MICOS10: variants seen among roughly 807,000 people sequenced by gnomAD.
MICOS10 encodes mitochondrial contact site and cristae organizing system subunit 10.
A neutral mutation model predicts 13.4 loss-of-function variants in MICOS10; 5 were observed. The ratio of observed to expected loss-of-function variants is 0.37; its 90% CI spans 0.20 to 0.78. MICOS10 has a LOEUF of 0.78. Among genes scored for constraint, MICOS10 ranks in the 30% least tolerant of loss-of-function variants. The pLI is 0.47. For missense variants in MICOS10, 101 were observed against 94.6 expected (o/e 1.07, Z -0.28); for synonymous variants, 35 against 33.6 (o/e 1.04, Z -0.15).
intron 1 of MICOS10, chr1:19,608,556 TCGC>T (rs2094845289): frequency 1.1e-6 from 1 of 914,344 alleles, no homozygotes. Context: ...GTCACCGTGG[TCGC>T]CGTCTGTGAA....
chr1:19,627,255 T>C lies in MICOS10; in HGVS notation c.*854T>C, dbSNP rs776482487. 7 of 152,272 alleles carry C rather than the reference T, an allele frequency of 4.6e-5. No individual in the cohort carries two copies. Among genetic ancestry groups the C allele is most frequent in the Non-Finnish European group, 1.0e-4 (7 of 68,044 alleles). The allele number at this position is 152,272 out of a possible 1,614,324, so 9.4% of individuals were successfully genotyped here. On this transcript the variant is annotated 3_prime_UTR_variant, in exon 4 of 4. Transcript: ENST00000322753. ...GCAAAAGTCATATTTTAGCAATTTCTTCAGACGATATACAGAACCCCAGCG... is the reference window on the plus strand; with the variant it reads ...GCAAAAGTCATATTTTAGCAATTTCCTCAGACGATATACAGAACCCCAGCG...
chr1:19,600,178 A>C (rs2094808441), intron 1 of MICOS10, among the ~76,000 whole-genome samples: 1 of 152,194 alleles, frequency 6.6e-6, no homozygotes, highest in Non-Finnish European at 1.5e-5. Context: ...AGCAGAGGAA[A>C]CTAGCAGTAC....
chr1:19,617,447 C>A, intron 1 of MICOS10: 1 of 294,752 alleles, frequency 3.4e-6, no homozygotes, highest in Non-Finnish European at 5.0e-6. Flanking sequence ...TCTCTGGGTC[C>A]TTGGTCTGGC....
At chr1:19,623,765 C>T (rs2094912331) in intron 3 of MICOS10, 182 bp downstream of exon 3, 1 of 549,282 alleles carries the variant, frequency 1.8e-6, no homozygotes, top group Non-Finnish European at 3.2e-6. Context: ...AAAGTCTCCC[C>T]TGTGCCTTCA....
Position 19,603,255 on chromosome 1 carries a change from G to A in MICOS10, c.64+6146G>A, listed in dbSNP as rs369136164. ...TGAGGCAGGAGAATAGCTTGAACCCGGGAGGTAGAGGTTGCAGTGAGCCAA... is the reference window on the plus strand; with the variant it reads ...TGAGGCAGGAGAATAGCTTGAACCCAGGAGGTAGAGGTTGCAGTGAGCCAA... On this transcript the variant is annotated intron_variant, in intron 1 of 3. Coordinates refer to ENST00000322753, the MANE Select transcript of MICOS10 (RefSeq NM_001032363.4). 1.5e-3 allele frequency among the ~76,000 whole-genome samples: 224 copies of A among 152,186 alleles called. 1 individual carries two copies. The highest frequency in any genetic ancestry group is 4.6e-3 in the African/African-American group (191 of 41,518).
At chr1:19,615,307 C>T (rs1008762083) in intron 1 of MICOS10, among the ~76,000 whole-genome samples, 17 of 152,158 alleles carry the variant, frequency 1.1e-4, no homozygotes, top group Admixed American at 1.0e-3. Context: ...GAAGGTGAAC[C>T]ACAGTTACTA....
chr1:19,606,566 T>A (rs1227579121), intron 1 of MICOS10, among the ~76,000 whole-genome samples: 1 of 151,984 alleles, frequency 6.6e-6, no homozygotes, highest in African/African-American at 2.4e-5. Flanking sequence ...GCCAATATGG[T>A]GAAACCCCAT....
chr1:19,620,625 C>CT (rs1157746649), intron 1 of MICOS10, among the ~76,000 whole-genome samples: 1 of 152,158 alleles, frequency 6.6e-6, no homozygotes, highest in African/African-American at 2.4e-5. Flanking sequence ...ACTGTTGATT[C>CT]TTACTTCATA....
chr1:19,618,709 A>G (rs1388469715), intron 1 of MICOS10, among the ~76,000 whole-genome samples: 1 of 152,214 alleles, frequency 6.6e-6, no homozygotes, highest in African/African-American at 2.4e-5. Flanking sequence ...CTCACTCAGC[A>G]GGAGAGTACA....
At position 19,615,473 on chromosome 1, in the gene MICOS10, C is replaced by T. The variant is rs1397475145; in HGVS notation, c.65-6627C>T. On this transcript the variant is annotated intron_variant, in intron 1 of 3. Coordinates refer to ENST00000322753, the MANE Select transcript of MICOS10 (RefSeq NM_001032363.4). ...TATAGTTTGCCCAAGGACTGAGACA[C>T]ACAGCTAGTAAATAATCTAATAGTA... Among the ~76,000 whole-genome samples, 8 of 152,208 alleles carry T rather than the reference C, an allele frequency of 5.3e-5. No homozygotes were observed. In the South Asian group the frequency reaches 6.2e-4, roughly 12 times the overall value.
rs550874710 is a variant in MICOS10, at chr1:19,601,023, G to A, written c.64+3914G>A. 7.8e-6 allele frequency: 10 copies of A among 1,287,734 alleles called. No individual in the cohort carries two copies. In the African/African-American group the frequency reaches 1.4e-4, roughly 18 times the overall value. The allele number at this position is 1,287,734 out of a possible 1,614,324, so 79.8% of individuals were successfully genotyped here. On this transcript the variant is annotated intron_variant, in intron 1 of 3. Transcript: ENST00000322753. ...TATACCTAAAGTGTTTTGCTTCCAG[G>A]GTTCACCAGGGTTATTTTCCCACCT...
chr1:19,629,208 CT>C lies in MICOS10; in HGVS notation c.*2809del, dbSNP rs1262737610. 6.6e-6 allele frequency: 1 copy of C among 152,220 alleles called. No individual in the cohort carries two copies. Among genetic ancestry groups the C allele is most frequent in the Non-Finnish European group, 1.5e-5 (1 of 68,052 alleles). The allele number at this position is 152,220 out of a possible 1,614,324, so 9.4% of individuals were successfully genotyped here. ...TTCAAGTCCTCTGGGGCCCTGTTCC[CT>C]TGTGGGCTTGTGCAACTGACTTTGT... On this transcript the variant is annotated 3_prime_UTR_variant, in exon 4 of 4. Coordinates refer to ENST00000322753, the MANE Select transcript of MICOS10 (RefSeq NM_001032363.4).
chr1:19,629,065 C>G lies in MICOS10; in HGVS notation c.*2664C>G, dbSNP rs2094930760. On this transcript the variant is annotated 3_prime_UTR_variant, in exon 4 of 4. Transcript: ENST00000322753. Reference sequence around the variant, plus strand: ...CCTTGTTGCCCTTAGCGGAGGCTGGCCCAAAGCACACTTGATCTTGTCCCC... The same window carrying G: ...CCTTGTTGCCCTTAGCGGAGGCTGGGCCAAAGCACACTTGATCTTGTCCCC... The G allele has an allele frequency of 6.6e-6, 1 of 152,288 alleles. No individual in the cohort carries two copies. The highest frequency in any genetic ancestry group is 2.4e-5 in the African/African-American group (1 of 41,446). The allele number at this position is 152,288 out of a possible 1,614,324, so 9.4% of individuals were successfully genotyped here.
At chr1:19,625,528 C>T in intron 3 of MICOS10, 1 of 1,289,448 alleles carries the variant, frequency 7.8e-7, no homozygotes, top group Non-Finnish European at 1.0e-6. Context: ...CTGTGTGGCA[C>T]TGAAGCCGGC....
intron 1 of MICOS10, chr1:19,617,225 C>G (rs2094887452): frequency 1.0e-6 from 1 of 953,988 alleles, no homozygotes; most frequent in Non-Finnish European, 1.2e-6. Context: ...TTGTTTCTTT[C>G]CATTGCCTGG....
intron 1 of MICOS10, among the ~76,000 whole-genome samples, chr1:19,613,887 A>C (rs1197766255): frequency 1.3e-5 from 2 of 152,048 alleles, no homozygotes; most frequent in Non-Finnish European, 1.5e-5. Flanking sequence ...GTCTGACCTG[A>C]GGCAAGTGAC....
At position 19,627,763 on chromosome 1, in the gene MICOS10, CA is replaced by C. The variant is rs1192624583; in HGVS notation, c.*1364del. On this transcript the variant is annotated 3_prime_UTR_variant, in exon 4 of 4. Transcript: ENST00000322753. ...GAAAGGCATGGAGGGGGAGGCTGGG[CA>C]ATAGGGTACAACTCATGTCTGACTC... 2.6e-5 allele frequency: 4 copies of C among 152,306 alleles called. No homozygotes were observed. The highest frequency in any genetic ancestry group is 9.7e-5 in the African/African-American group (4 of 41,406). The allele number at this position is 152,306 out of a possible 1,614,324, so 9.4% of individuals were successfully genotyped here.
chr1:19,608,918 A>G (rs1558340630), intron 1 of MICOS10, among the ~76,000 whole-genome samples: 1 of 147,996 alleles, frequency 6.8e-6, no homozygotes, highest in African/African-American at 2.5e-5. Context: ...TCAGGCTACT[A>G]CTTCTGGCCT....
At chr1:19,606,221 G>A (rs938945737) in intron 1 of MICOS10, among the ~76,000 whole-genome samples, 9 of 152,170 alleles carry the variant, frequency 5.9e-5, no homozygotes, top group Middle Eastern at 3.2e-3. Context: ...GCAGGCTCAG[G>A]AGTGGGAGGA....
Sources: allele counts gnomAD v4.1 joint callset (sites outside exome capture counted in the v4.1 genomes callset), GRCh38; gene constraint gnomAD v4.1.1; transcripts MANE v1.5; gene names NCBI Gene and HGNC (gene_info 2026-07-23, HGNC 2026-07-21).